The following SLC25A21 variants were observed in gnomAD, a reference collection of about 807,000 sequenced individuals.
The protein encoded by SLC25A21 is mitochondrial 2-oxodicarboxylate carrier.
Under a neutral mutation model 43.8 loss-of-function variants are expected in SLC25A21, and 47 were observed. The observed-to-expected ratio is 1.07, with a 90% CI of 0.85 to 1.37. SLC25A21 has a LOEUF of 1.37. Ranked by LOEUF, SLC25A21 falls within the 40% of genes most tolerant of loss-of-function variation. The probability of loss-of-function intolerance (pLI) is 0.00; values close to 1 mark genes in which losing one functional copy is unlikely to be tolerated. For synonymous variants in SLC25A21, 131 were observed against 121.3 expected, an observed-to-expected ratio of 1.08 and a Z score of -0.52; for missense variants, 352 against 350.2, an observed-to-expected ratio of 1.00 and a Z score of -0.04.
intron 1 of SLC25A21, among the ~76,000 whole-genome samples, chr14:37,041,799 A>G (rs367962391): frequency 1.2e-4 from 18 of 152,350 alleles, no homozygotes; most frequent in African/African-American, 4.1e-4. Flanking sequence ...CAAGGTGGAT[A>G]CATTTTTGCT....
chr14:36,883,326 G>A (rs1388109308), intron 1 of SLC25A21, among the ~76,000 whole-genome samples: 1 of 151,992 alleles, frequency 6.6e-6, no homozygotes, highest in Non-Finnish European at 1.5e-5. Context: ...TGTTCCCTCT[G>A]CCTAGAATGC....
intron 2 of SLC25A21, among the ~76,000 whole-genome samples, chr14:36,869,653 T>C (rs1217889404): frequency 6.6e-6 from 1 of 152,132 alleles, no homozygotes; most frequent in South Asian, 2.1e-4. Context: ...TTGGAGACTA[T>C]AAGAACAGCT....
intron 3 of SLC25A21, among the ~76,000 whole-genome samples, chr14:36,789,310 T>C (rs1396513518): frequency 1.3e-5 from 2 of 152,040 alleles, no homozygotes; most frequent in Admixed American, 6.6e-5. Flanking sequence ...CTTAAAGTAT[T>C]TCATAGATTT....
rs528360588 is a variant in SLC25A21 at position 36,804,265 on chromosome 14, T to C, written c.203+9653A>G. 6.6e-5 allele frequency among the ~76,000 whole-genome samples: 10 copies of C among 152,294 alleles called. No individual in the cohort carries two copies. The South Asian group carries it at 1.9e-3, about 28-fold the overall frequency. ...AAATTCAGCCAACTGAGATGAGATA[T>C]GTACAAGGCTTTGAACCCAAAGAGG... On this transcript the variant is annotated intron_variant, in intron 3 of 9. Coordinates refer to ENST00000331299, the MANE Select transcript of SLC25A21 (RefSeq NM_030631.4).
chr14:37,149,111 C>G (rs1283991317), intron 1 of SLC25A21, among the ~76,000 whole-genome samples: 1 of 152,070 alleles, frequency 6.6e-6, no homozygotes, highest in Non-Finnish European at 1.5e-5. Flanking sequence ...ATGAAGCCAA[C>G]AAGAATCACA....
At chr14:37,095,558 A>G (rs896132042) in intron 1 of SLC25A21, among the ~76,000 whole-genome samples, 6 of 152,056 alleles carry the variant, frequency 3.9e-5, no homozygotes, top group Non-Finnish European at 5.9e-5. Flanking sequence ...TACACTATTC[A>G]GTAAAAACAA....
intron 1 of SLC25A21, among the ~76,000 whole-genome samples, chr14:37,158,172 CAATTCTCCTGAAACTATTGCAAAAAACT>C (rs1963881815): frequency 6.6e-6 from 1 of 152,044 alleles, no homozygotes; most frequent in Admixed American, 6.6e-5. Context: ...AAACTAATAC[CAATTCTCCTGAAACTATTGCAAAAAACT>C]GAAGAGGAGG....
intron 2 of SLC25A21, among the ~76,000 whole-genome samples, chr14:36,840,820 G>A (rs1470980339): frequency 6.6e-6 from 1 of 152,164 alleles, no homozygotes; most frequent in Non-Finnish European, 1.5e-5. Context: ...AAGGAAGGGA[G>A]GAAGAAATAA....
rs1345341903 is a variant in SLC25A21 at position 36,875,023 on chromosome 14, A to AG, written c.71-20_71-19insC. The stretch of plus-strand genomic sequence containing the variant: ...ACAAGACCTGAAAGATGATAAAGAA[A>AG]ATCCAATAAACACTTATGTAAACAC... On this transcript the variant is annotated intron_variant, in intron 1 of 9. Transcript: ENST00000331299. 1 of 1,487,166 alleles carries AG rather than the reference A, an allele frequency of 6.7e-7. No individual in the cohort carries two copies. Among genetic ancestry groups the AG allele is most frequent in the Non-Finnish European group, 9.0e-7 (1 of 1,111,334 alleles). 92.1% of individuals were successfully genotyped at this position (1,487,166 alleles called of 1,614,324 possible).
chr14:36,814,307 G>A (rs989854496), intron 2 of SLC25A21, among the ~76,000 whole-genome samples: 4 of 152,160 alleles, frequency 2.6e-5, no homozygotes, highest in Non-Finnish European at 4.4e-5. Flanking sequence ...CACAGATATC[G>A]TAGATTGTTT....
rs768676997 is a variant in SLC25A21, at chr14:36,860,053, G to A, written c.119+14903C>T. Among the ~76,000 whole-genome samples the A allele has an allele frequency of 1.3e-4, 20 of 151,846 alleles. 1 individual carries two copies. The highest frequency in any genetic ancestry group is 2.8e-4 in the Non-Finnish European group (19 of 67,980). On this transcript the variant is annotated intron_variant, in intron 2 of 9. Transcript: ENST00000331299. ...TTAGGAAGCCTACACTCCAATGGAAGTGGGCAAAAACAGTTAACGTGTACA... is the reference window on the plus strand; with the variant it reads ...TTAGGAAGCCTACACTCCAATGGAAATGGGCAAAAACAGTTAACGTGTACA...
chr14:37,135,658 T>C (rs1257717785), intron 1 of SLC25A21, among the ~76,000 whole-genome samples: 2 of 152,228 alleles, frequency 1.3e-5, no homozygotes, highest in African/African-American at 4.8e-5. Context: ...TATGGCATCC[T>C]CATTATTGAT....
intron 1 of SLC25A21, among the ~76,000 whole-genome samples, chr14:37,044,914 A>T (rs539357028): frequency 5.3e-5 from 8 of 152,318 alleles, no homozygotes; most frequent in African/African-American, 1.9e-4. Flanking sequence ...TGTCTCCCCA[A>T]CATTATTCCA....
intron 2 of SLC25A21, among the ~76,000 whole-genome samples, chr14:36,825,114 C>A: frequency 6.6e-6 from 1 of 152,140 alleles, no homozygotes; most frequent in East Asian, 1.9e-4. Flanking sequence ...TGGACAACAA[C>A]AACAATAAAA....
intron 3 of SLC25A21, among the ~76,000 whole-genome samples, chr14:36,803,095 A>G (rs1887923532): frequency 1.3e-5 from 2 of 152,194 alleles, no homozygotes; most frequent in South Asian, 2.1e-4. Context: ...AATTATCAGC[A>G]TTTTTTCTCT....
At chr14:36,925,914 A>G (rs143072049) in intron 1 of SLC25A21, among the ~76,000 whole-genome samples, 1 of 152,242 alleles carries the variant, frequency 6.6e-6, no homozygotes, top group East Asian at 1.9e-4. Flanking sequence ...AATTGAAAGA[A>G]GTAGAAATAG....
chr14:36,787,269 A>G (rs956677411), intron 3 of SLC25A21, among the ~76,000 whole-genome samples: 1 of 152,232 alleles, frequency 6.6e-6, no homozygotes, highest in South Asian at 2.1e-4. Context: ...TATCTTGAGA[A>G]GCCATGAAAA....
intron 1 of SLC25A21, among the ~76,000 whole-genome samples, chr14:37,068,999 C>A (rs535959724): frequency 2.7e-5 from 4 of 148,474 alleles, no homozygotes; most frequent in Non-Finnish European, 5.9e-5. Flanking sequence ...ACGGTGAAAC[C>A]CCGTCTCTAC....
chr14:37,108,353 T>A (rs1008288947), intron 1 of SLC25A21, among the ~76,000 whole-genome samples: 1 of 152,124 alleles, frequency 6.6e-6, no homozygotes, highest in Non-Finnish European at 1.5e-5. Context: ...AAACCCAGGA[T>A]AGAGTACAAA....
Sources: allele counts gnomAD v4.1 joint callset (sites outside exome capture counted in the v4.1 genomes callset), GRCh38; gene constraint gnomAD v4.1.1; transcripts MANE v1.5; gene names NCBI Gene and HGNC (gene_info 2026-07-23, HGNC 2026-07-21).